Variants in ACSM1 observed in about 807,000 individuals in gnomAD.
ACSM1 encodes acyl-CoA synthetase medium chain family member 1.
Under a neutral mutation model 75.8 loss-of-function variants are expected in ACSM1, and 79 were observed. The ratio of observed to expected loss-of-function variants is 1.04; its 90% CI spans 0.87 to 1.26. ACSM1 has a LOEUF of 1.26. ACSM1 is among the 50% of genes most tolerant of loss of function. ACSM1 has a pLI of 0.00. For missense variants in ACSM1, 676 were observed against 720.1 expected, an observed-to-expected ratio of 0.94 and a Z score of 0.70; for synonymous variants, 279 against 265.8, an observed-to-expected ratio of 1.05 and a Z score of -0.48.
rs2079648890 is a variant in ACSM1 at position 20,691,232 on chromosome 16, C to T, written c.-44G>A. 1.4e-6 allele frequency: 2 copies of T among 1,465,870 alleles called. No homozygotes were observed. The highest frequency in any genetic ancestry group is 1.8e-6 in the Non-Finnish European group (2 of 1,099,532). The allele number at this position is 1,465,870 out of a possible 1,614,324, so 90.8% of individuals were successfully genotyped here. ...AACCAGGCACAGAGTTCTCAAGTCA[C>T]CACCTGCCTTGGGAAGAGATGGCTA... On this transcript the variant is annotated 5_prime_UTR_variant, in exon 2 of 14. The change creates a new upstream start codon in the 5' untranslated region. Coordinates refer to ENST00000520010, the MANE Select transcript of ACSM1 (RefSeq NM_001318890.3).
intron 2 of ACSM1, among the ~76,000 whole-genome samples, chr16:20,690,395 T>C (rs2079632369): frequency 6.6e-6 from 1 of 152,232 alleles, no homozygotes; most frequent in Non-Finnish European, 1.5e-5. Context: ...TGGGGTTTTC[T>C]GCAGAAACAC....
At chr16:20,634,146 T>C (rs914418777) in intron 10 of ACSM1, among the ~76,000 whole-genome samples, 2 of 152,190 alleles carry the variant, frequency 1.3e-5, no homozygotes, top group African/African-American at 4.8e-5. Context: ...CGTCAACAAA[T>C]AGTGCTGGGA....
rs895898298 is a variant in ACSM1 at position 20,637,358 on chromosome 16, C to G, written c.1197+13G>C. 11 of 1,613,360 alleles carry G rather than the reference C, an allele frequency of 6.8e-6. No individual in the cohort carries two copies. In the Admixed American group the frequency reaches 1.5e-4, roughly 22 times the overall value. Reference sequence around the variant, plus strand: ...GCCCTAACTGCTCCCTGCCAATGCCCTTAGGACCAGACCTGGACGTCGTAG... The same window carrying G: ...GCCCTAACTGCTCCCTGCCAATGCCGTTAGGACCAGACCTGGACGTCGTAG... On this transcript the variant is annotated intron_variant, in intron 9 of 13. Coordinates refer to ENST00000520010, the MANE Select transcript of ACSM1 (RefSeq NM_001318890.3).
At chr16:20,654,082 G>A (rs1407217082) in intron 7 of ACSM1, among the ~76,000 whole-genome samples, 1 of 152,128 alleles carries the variant, frequency 6.6e-6, no homozygotes, top group Non-Finnish European at 1.5e-5. Context: ...ACAGAATACA[G>A]CCCTCAGAAA....
intron 11 of ACSM1, among the ~76,000 whole-genome samples, chr16:20,626,894 G>A (rs1037343969): frequency 2.0e-5 from 3 of 152,054 alleles, no homozygotes; most frequent in African/African-American, 7.2e-5. Flanking sequence ...TGAACCTATG[G>A]AGACCAAGAC....
In ACSM1 at chr16:20,648,429, C is replaced by G. The variant is rs1457649031; in HGVS notation, c.993-7845G>C. On this transcript the variant is annotated intron_variant, in intron 7 of 13. Transcript: ENST00000520010. This position sits in a 1 kb window ranked among gnomAD's most constrained non-coding sequence, Gnocchi z 4.2. ...AACCAAAAATGAAATTTTAAGCAGC[C>G]CCAGCCAACAGAATGGACCCCTCCT... 1.3e-5 allele frequency among the ~76,000 whole-genome samples: 2 copies of G among 152,078 alleles called. No individual in the cohort carries two copies. The highest frequency in any genetic ancestry group is 6.6e-5 in the Admixed American group (1 of 15,246).
At chr16:20,623,717 G>T in intron 13 of ACSM1, 145 bp from the exon 14 acceptor site, 1 of 862,618 alleles carries the variant, frequency 1.2e-6, no homozygotes. Flanking sequence ...AAGTATTTCA[G>T]GTTCTCCCCC....
rs118056453 is a variant in ACSM1, at chr16:20,625,721, C to T, written c.1428-199G>A. On this transcript the variant is annotated intron_variant, in intron 11 of 13. Coordinates refer to ENST00000520010, the MANE Select transcript of ACSM1 (RefSeq NM_001318890.3). ...GGCTGAGAAATACAAGACTGCGGTG[C>T]TCCCGGCTTCTTGCCTCACTGCCTG... Among the ~76,000 whole-genome samples, 244 of 152,340 alleles carry T rather than the reference C, an allele frequency of 1.6e-3. 6 individuals carry two copies. In the East Asian group the frequency reaches 0.042, roughly 26 times the overall value.
chr16:20,688,275 G>A (rs943425776), intron 2 of ACSM1, among the ~76,000 whole-genome samples: 17 of 151,902 alleles, frequency 1.1e-4, no homozygotes, highest in Admixed American at 7.9e-4. Flanking sequence ...TAAAAAGAAG[G>A]AAGAAAAATA....
intron 7 of ACSM1, among the ~76,000 whole-genome samples, chr16:20,653,760 C>T (rs113913285): frequency 0.12 from 18,721 of 152,094 alleles, 1,620 homozygotes; most frequent in East Asian, 0.49. Context: ...AAAGAGGACA[C>T]AAACAAATGG....
intron 7 of ACSM1, among the ~76,000 whole-genome samples, chr16:20,657,019 AT>A (rs1596863070): frequency 6.6e-6 from 1 of 152,156 alleles, no homozygotes; most frequent in South Asian, 2.1e-4. Context: ...AAATTAAAAA[AT>A]ATATATATTT....
chr16:20,683,646 C>CTTT (rs36182498), intron 3 of ACSM1, among the ~76,000 whole-genome samples: 1,475 of 136,812 alleles, frequency 0.011, 26 homozygotes, highest in African/African-American at 0.039. Context: ...CAGCTCAAGT[C>CTTT]TTTTTTTTTT....
At chr16:20,696,817 G>GCAA (rs2079692265) in intron 1 of ACSM1, among the ~76,000 whole-genome samples, 1 of 152,294 alleles carries the variant, frequency 6.6e-6, no homozygotes, top group East Asian at 1.9e-4. Flanking sequence ...ATTTAATGAA[G>GCAA]CAACATACTT....
At chr16:20,669,484 C>A (rs1489725356) in intron 6 of ACSM1, among the ~76,000 whole-genome samples, 2 of 132,384 alleles carry the variant, frequency 1.5e-5, no homozygotes, top group South Asian at 2.4e-4. Context: ...ACACACACAC[C>A]CCAGCTGCTT....
intron 6 of ACSM1, among the ~76,000 whole-genome samples, chr16:20,666,097 C>T (rs2019551633): frequency 6.6e-6 from 1 of 152,116 alleles, no homozygotes; most frequent in Non-Finnish European, 1.5e-5. Context: ...ACTCTCACCA[C>T]TCCTATTCAA....
At chr16:20,682,703 T>C (rs755116770) in intron 3 of ACSM1, among the ~76,000 whole-genome samples, 1 of 152,218 alleles carries the variant, frequency 6.6e-6, no homozygotes, top group Non-Finnish European at 1.5e-5. Flanking sequence ...TTGTAAGCCC[T>C]GCCCTAATCT....
intron 10 of ACSM1, 91 bp downstream of exon 10, chr16:20,636,648 C>T: frequency 1.1e-6 from 1 of 871,236 alleles, no homozygotes; most frequent in Non-Finnish European, 1.9e-6. Context: ...TGAGTTAGAG[C>T]AAATAAAAGA....
In ACSM1 at chr16:20,672,448, C is replaced by CAAAAAAA. The variant is rs528742963; in HGVS notation, c.612-784_612-778dup. ...TGGGTGACAGAGCAAAACTCCATCTCAAAAAAAAAAAAAAAAAAAAAAAAT... is the reference window on the plus strand; with the variant it reads ...TGGGTGACAGAGCAAAACTCCATCTCAAAAAAAAAAAAAAAAAAAAAAAAAAAAAAAT... On this transcript the variant is annotated intron_variant, in intron 4 of 13. Transcript: ENST00000520010. Among the ~76,000 whole-genome samples the CAAAAAAA allele has an allele frequency of 1.2e-3, 27 of 21,920 alleles. 1 individual carries two copies. The highest frequency in any genetic ancestry group is 5.8e-3 in the African/African-American group (22 of 3,776). The allele number at this position is 21,920 out of a possible 152,430, so 14.4% of individuals were successfully genotyped here. A position where few individuals can be genotyped will look rare whatever the true frequency, so the allele number is the denominator to read the frequency against.
intron 10 of ACSM1, among the ~76,000 whole-genome samples, chr16:20,631,342 C>CA (rs1333858074): frequency 2.6e-5 from 4 of 152,130 alleles, no homozygotes; most frequent in Admixed American, 6.5e-5. Flanking sequence ...CTTACTCCTG[C>CA]AAAAATTGTC....
Sources: gnomAD v4.1 joint callset for allele counts (sites outside exome capture counted in the v4.1 genomes callset) on GRCh38, gnomAD v4.1.1 for gene constraint, Gnocchi (gnomAD v3.1) non-coding constraint, MANE v1.5 for transcripts, NCBI Gene and HGNC (gene_info 2026-07-23, HGNC 2026-07-21) for gene names.